Variants in EXTL3 observed in about 807,000 individuals in gnomAD.
EXTL3 encodes exostosin-like 3.
EXTL3 carries 27 observed loss-of-function variants against 69.3 expected under a neutral mutation model. The observed-to-expected ratio is 0.39, with a 90% CI of 0.29 to 0.54. The LOEUF (loss-of-function observed/expected upper bound fraction) is 0.54, where lower values mean the gene tolerates loss of function less well. Among genes scored for constraint, EXTL3 ranks in the 20% least tolerant of loss-of-function variants. EXTL3 has a pLI of 0.69. For missense variants in EXTL3, 1,003 were observed against 1,231.8 expected (o/e 0.81, Z 2.78); for synonymous variants, 511 against 499.4 (o/e 1.02, Z -0.31).
intron 1 of EXTL3, among the ~76,000 whole-genome samples, chr8:28,664,759 T>TC (rs35860106): frequency 1.3e-5 from 2 of 151,882 alleles, no homozygotes; most frequent in African/African-American, 2.4e-5. Flanking sequence ...TATATACATC[T>TC]CCCCCCGGAA....
chr8:28,631,867 A>G (rs1231924868), intron 1 of EXTL3, among the ~76,000 whole-genome samples: 2 of 151,934 alleles, frequency 1.3e-5, no homozygotes, highest in African/African-American at 4.8e-5. Context: ...AGTTGGGTGG[A>G]TCACAAAGTC....
At chr8:28,742,142 C>A (rs1801793609) in intron 5 of EXTL3, 1 of 151,986 alleles carries the variant, frequency 6.6e-6, no homozygotes, top group East Asian at 1.9e-4. Flanking sequence ...ATTTCAACAT[C>A]AACAGTAGAT....
intron 1 of EXTL3, among the ~76,000 whole-genome samples, chr8:28,702,431 C>T (rs973009879): frequency 1.3e-5 from 2 of 152,238 alleles, no homozygotes; most frequent in Non-Finnish European, 2.9e-5. Context: ...CGGAGGCGAG[C>T]CAGGGCTGCC....
intron 2 of EXTL3, among the ~76,000 whole-genome samples, chr8:28,615,711 G>A (rs1806322215): frequency 6.6e-6 from 1 of 151,728 alleles, no homozygotes; most frequent in African/African-American, 2.4e-5. Context: ...GGGATTACAG[G>A]CATGCACCAC....
At chr8:28,621,014 G>T (rs1051844236), upstream of EXTL3, among the ~76,000 whole-genome samples, 1 of 152,170 alleles carries the variant, frequency 6.6e-6, no homozygotes, top group Non-Finnish European at 1.5e-5. Context: ...AGTGCCCATT[G>T]TTGGCTTTTT....
chr8:28,628,588 T>C (rs1448028956), intron 1 of EXTL3, among the ~76,000 whole-genome samples: 1 of 152,158 alleles, frequency 6.6e-6, no homozygotes, highest in African/African-American at 2.4e-5. Flanking sequence ...ACCACACACA[T>C]AAAAAGTCCT....
intron 1 of EXTL3, among the ~76,000 whole-genome samples, chr8:28,632,648 G>T (rs1806586440): frequency 6.6e-6 from 1 of 150,614 alleles, no homozygotes. Flanking sequence ...CTGTCTCCTG[G>T]GTTGAAGCGA....
At chr8:28,733,811 T>G (rs1339456350) in intron 4 of EXTL3, among the ~76,000 whole-genome samples, 1 of 151,626 alleles carries the variant, frequency 6.6e-6, no homozygotes, top group African/African-American at 2.4e-5. Flanking sequence ...TTTGTTTGGA[T>G]TGTCGTCTTT....
chr8:28,690,647 T>A (rs1800601577), intron 1 of EXTL3, among the ~76,000 whole-genome samples: 1 of 152,158 alleles, frequency 6.6e-6, no homozygotes, highest in Non-Finnish European at 1.5e-5. Context: ...GGCTGGAGGA[T>A]CTGTTCCCAA....
At chr8:28,632,020 G>A (rs559050460) in intron 1 of EXTL3, among the ~76,000 whole-genome samples, 1 of 151,998 alleles carries the variant, frequency 6.6e-6, no homozygotes, top group Non-Finnish European at 1.5e-5. Flanking sequence ...CCTGGGAGGC[G>A]GAGGTTGCAG....
At chr8:28,640,644 C>T (rs1806728209) in intron 1 of EXTL3, among the ~76,000 whole-genome samples, 1 of 152,166 alleles carries the variant, frequency 6.6e-6, no homozygotes, top group South Asian at 2.1e-4. Context: ...GCTTTGTTGC[C>T]TAGGCTGGAG....
In EXTL3 at chr8:28,717,274, A is replaced by AC. The variant is rs1585274250; in HGVS notation, c.1218dup (p.Ser407GlnfsTer5). 6.2e-7 allele frequency: 1 copy of AC among 1,614,124 alleles called. No homozygotes were observed. The highest frequency in any genetic ancestry group is 8.5e-7 in the Non-Finnish European group (1 of 1,180,022). On this transcript the variant is annotated frameshift_variant, in exon 3 of 7. Coordinates refer to ENST00000220562, the MANE Select transcript of EXTL3 (RefSeq NM_001440.4). LOFTEE classifies it high-confidence loss of function. This position sits in a 1 kb window ranked among gnomAD's most constrained non-coding sequence, Gnocchi z 8.3. ...AATTCACCTGCAAAAACCAGCCCAA[A>AC]CCCAGCCTGCCGACTGAGTGGGCAC... is the stretch of plus-strand genomic sequence containing the variant.
intron 1 of EXTL3, among the ~76,000 whole-genome samples, chr8:28,711,183 C>G (rs191544109): frequency 6.6e-6 from 1 of 152,070 alleles, no homozygotes; most frequent in African/African-American, 2.4e-5. Flanking sequence ...GGTGATAGCC[C>G]CTGTTTCATT....
intron 1 of EXTL3, among the ~76,000 whole-genome samples, chr8:28,639,784 A>G (rs1323884244): frequency 6.6e-6 from 1 of 152,120 alleles, no homozygotes; most frequent in Admixed American, 6.5e-5. Flanking sequence ...CCATCTTAGC[A>G]CTTATCACCC....
chr8:28,717,340 C>G lies in EXTL3; in HGVS notation c.1281C>G (p.Leu427=), dbSNP rs758730179. The change falls in exon 3 of 7, where the codon CTC becomes CTG. Residue 427 remains leucine (L), a synonymous_variant. Coordinates refer to ENST00000220562, the MANE Select transcript of EXTL3 (RefSeq NM_001440.4). The surrounding 1 kb of genome is among the most constrained non-coding windows in gnomAD (Gnocchi z 8.3). ...AGGACCGCTTGGAATTGCTGAAGCT[C>G]TCCACCTTCGCCCTCATCATTACCC... ...EREDRLELLK[L]STFALIITPG... is the part of the protein sequence containing the mutation. 8.1e-6 allele frequency: 13 copies of G among 1,614,220 alleles called. No individual in the cohort carries two copies. Among genetic ancestry groups the G allele is most frequent in the Non-Finnish European group, 1.1e-5 (13 of 1,180,038 alleles).
chr8:28,662,875 A>G (rs1466397439), intron 1 of EXTL3, among the ~76,000 whole-genome samples: 2 of 152,150 alleles, frequency 1.3e-5, no homozygotes, highest in African/African-American at 4.8e-5. Flanking sequence ...CGATTGCACC[A>G]TTGCCCAGTT....
rs1018830381 is a variant in EXTL3 at position 28,690,652 on chromosome 8, T to C, written c.-52-22805T>C. ...GCTTGACTGGGGCTGGAGGATCTGTTCCCAATCTTATTCATGTGGCTGTTG... is the reference window on the plus strand; with the variant it reads ...GCTTGACTGGGGCTGGAGGATCTGTCCCCAATCTTATTCATGTGGCTGTTG... On this transcript the variant is annotated intron_variant, in intron 1 of 6. Transcript: ENST00000523149. 3.9e-5 allele frequency among the ~76,000 whole-genome samples: 6 copies of C among 152,164 alleles called. No individual in the cohort carries two copies. The East Asian group carries it at 1.2e-3, about 29-fold the overall frequency.
chr8:28,657,488 A>G (rs948461118), intron 1 of EXTL3, among the ~76,000 whole-genome samples: 2 of 151,998 alleles, frequency 1.3e-5, no homozygotes, highest in Non-Finnish European at 2.9e-5. Flanking sequence ...TTATGGGAAC[A>G]TTTTTTTTAT....
At chr8:28,733,860 C>G (rs1193519612) in intron 4 of EXTL3, among the ~76,000 whole-genome samples, 5 of 150,284 alleles carry the variant, frequency 3.3e-5, no homozygotes, top group Non-Finnish European at 5.9e-5. Flanking sequence ...CTCTGTTACC[C>G]AGGCTGGAGT....
Sources: allele counts gnomAD v4.1 joint callset (sites outside exome capture counted in the v4.1 genomes callset), GRCh38; gene constraint gnomAD v4.1.1; non-coding constraint Gnocchi (gnomAD v3.1); transcripts MANE v1.5; gene names NCBI Gene and HGNC (gene_info 2026-07-23, HGNC 2026-07-21).